The following METTL25 variants were observed in gnomAD, a reference collection of about 807,000 sequenced individuals.
METTL25 encodes the protein methyltransferase like 25, also known as probable methyltransferase-like protein 25.
In METTL25, 64 loss-of-function variants were observed where a neutral mutation model predicts 71.6. The observed-to-expected ratio is 0.89, with a 90% confidence interval of 0.73 to 1.10. The LOEUF (loss-of-function observed/expected upper bound fraction) is 1.10. Among genes scored for constraint, METTL25 ranks in the 50% least tolerant of loss-of-function variants. The pLI is 0.00. For synonymous variants in METTL25, 287 were observed against 250.3 expected (o/e 1.15, Z -1.38); for missense variants, 807 against 707.0 (o/e 1.14, Z -1.60).
In METTL25 at chr12:82,451,613, G is replaced by A. The variant is rs1053010675; in HGVS notation, c.1479-5114G>A. On this transcript the variant is annotated intron_variant, in intron 8 of 11. Coordinates refer to ENST00000248306, the MANE Select transcript of METTL25 (RefSeq NM_032230.3). ...CTTGTTCATACAATCTTTCTTCTCC[G>A]AACTGTGTATAGACAATTAAACACT... is the stretch of plus-strand genomic sequence containing the variant. 6.6e-5 allele frequency among the ~76,000 whole-genome samples: 10 copies of A among 152,008 alleles called. No homozygotes were observed. In the South Asian group the frequency reaches 8.3e-4, roughly 13 times the overall value.
At chr12:82,437,544 A>T (rs548185214) in intron 7 of METTL25, among the ~76,000 whole-genome samples, 1 of 151,682 alleles carries the variant, frequency 6.6e-6, no homozygotes, top group African/African-American at 2.4e-5. Context: ...TTAATGTTAA[A>T]TAAGGGAGAG....
At chr12:82,415,992 C>T (rs7299616) in intron 5 of METTL25, among the ~76,000 whole-genome samples, 139,978 of 152,174 alleles carry the variant, frequency 0.92, 64,754 homozygotes, top group East Asian at 1. Context: ...CAACTCTCTC[C>T]GTTTGTATTT....
At chr12:82,394,451 C>A (rs535037945) in intron 3 of METTL25, among the ~76,000 whole-genome samples, 1 of 151,966 alleles carries the variant, frequency 6.6e-6, no homozygotes, top group Non-Finnish European at 1.5e-5. Context: ...TCCCTACATG[C>A]CGAACACCTT....
intron 1 of METTL25, among the ~76,000 whole-genome samples, chr12:82,366,809 A>G (rs1882627438): frequency 6.6e-6 from 1 of 152,272 alleles, no homozygotes; most frequent in South Asian, 2.1e-4. Context: ...CACTTTCCTT[A>G]TATATTTTTC....
At chr12:82,460,346 G>A (rs1351676675) in intron 9 of METTL25, among the ~76,000 whole-genome samples, 1 of 152,190 alleles carries the variant, frequency 6.6e-6, no homozygotes, top group Non-Finnish European at 1.5e-5. Context: ...AGGAGATAGA[G>A]CAAAACTCCC....
intron 3 of METTL25, among the ~76,000 whole-genome samples, chr12:82,390,124 G>A (rs1188758021): frequency 6.6e-6 from 1 of 152,028 alleles, no homozygotes; most frequent in African/African-American, 2.4e-5. Flanking sequence ...AAAATTTATA[G>A]TAAAATCAAG....
At chr12:82,419,480 T>G (rs368797462) in intron 5 of METTL25, among the ~76,000 whole-genome samples, 2 of 152,144 alleles carry the variant, frequency 1.3e-5, no homozygotes, top group East Asian at 3.9e-4. Flanking sequence ...TGAAGTATCT[T>G]GTCCATAAGG....
At chr12:82,430,054 T>A (rs1889361242) in intron 5 of METTL25, among the ~76,000 whole-genome samples, 1 of 150,876 alleles carries the variant, frequency 6.6e-6, no homozygotes, top group African/African-American at 2.4e-5. Context: ...CACCTTTTTG[T>A]TTTTATTTTA....
In METTL25 at chr12:82,399,218, C is replaced by T; in HGVS notation, c.955C>T (p.Pro319Ser). 6.2e-7 allele frequency: 1 copy of T among 1,613,132 alleles called. No individual in the cohort carries two copies. The highest frequency in any genetic ancestry group is 2.2e-5 in the East Asian group (1 of 44,782). The part of the protein sequence containing the change: ...ENSFSLINLL[P>S]INAVEPTSSQ... ...TTCCTTTTCTCTTATAAACCTTTTG[C>T]CTATTAATGCTGTAGAGCCTACTTC... Residue 319 changes from proline (P) to serine (S), a missense_variant, in exon 4 of 12, where the codon CCT (proline) becomes TCT (serine). Physicochemically the swap from Pro to Ser is moderately conservative, Grantham distance 74 (BLOSUM62 -1). Transcript: ENST00000248306.
At chr12:82,400,574 G>T (rs1033113053) in intron 4 of METTL25, among the ~76,000 whole-genome samples, 3 of 34,106 alleles carry the variant, frequency 8.8e-5, no homozygotes, top group Non-Finnish European at 1.1e-4. Flanking sequence ...CAATCTCAAT[G>T]ACTTTAGTTT....
At position 82,399,261 on chromosome 12, in the gene METTL25, A is replaced by G. The variant is rs756275185; in HGVS notation, c.998A>G (p.Asn333Ser). 100 of 1,613,800 alleles carry G rather than the reference A, an allele frequency of 6.2e-5. 1 individual carries two copies. The Middle Eastern group carries it at 5.1e-3, about 83-fold the overall frequency. The change falls in exon 4 of 12, where the codon AAC becomes AGC. Residue 333 changes from asparagine to serine, a missense_variant. By Grantham distance (46) the Asn-to-Ser change is conservative. Transcript: ENST00000248306. ...CCTACTTCTTCACAGCAAATACCCA[A>G]CAGAGAAACATCTGAAGCCAATAAA... Reference protein sequence around the residue: ...VEPTSSQQIPNRETSEANKER... With the variant: ...VEPTSSQQIPSRETSEANKER...
intron 5 of METTL25, among the ~76,000 whole-genome samples, chr12:82,411,396 T>C (rs926880182): frequency 1.3e-5 from 2 of 152,042 alleles, no homozygotes; most frequent in African/African-American, 4.8e-5. Context: ...CAGAACAATG[T>C]ATATGATAGG....
At chr12:82,437,119 A>G (rs1889978244) in intron 7 of METTL25, among the ~76,000 whole-genome samples, 1 of 151,746 alleles carries the variant, frequency 6.6e-6, no homozygotes, top group Non-Finnish European at 1.5e-5. Context: ...AGAGATTAAG[A>G]AATTCTAAAT....
intron 2 of METTL25, among the ~76,000 whole-genome samples, chr12:82,387,598 C>G (rs756107812): frequency 3.7e-4 from 56 of 151,602 alleles, no homozygotes; most frequent in Non-Finnish European, 7.2e-4. Context: ...TGAAAATTTC[C>G]AAACCTACAG....
At chr12:82,362,390 G>A (rs983597757) in intron 1 of METTL25, among the ~76,000 whole-genome samples, 1 of 152,174 alleles carries the variant, frequency 6.6e-6, no homozygotes, top group Non-Finnish European at 1.5e-5. Flanking sequence ...TTCCTCATCT[G>A]TAAAATGGGG....
chr12:82,420,846 A>C (rs1050903300), intron 5 of METTL25, among the ~76,000 whole-genome samples: 3 of 150,964 alleles, frequency 2.0e-5, no homozygotes, highest in African/African-American at 7.3e-5. Context: ...TGAACTGATG[A>C]GGTTTGATTT....
chr12:82,472,406 G>A (rs975428103), intron 9 of METTL25, among the ~76,000 whole-genome samples: 3 of 152,164 alleles, frequency 2.0e-5, no homozygotes, highest in African/African-American at 7.2e-5. Flanking sequence ...AGCCCATCCT[G>A]GCTAACACGG....
intron 1 of METTL25, among the ~76,000 whole-genome samples, chr12:82,375,588 C>G (rs1204773078): frequency 6.6e-6 from 1 of 152,168 alleles, no homozygotes; most frequent in Non-Finnish European, 1.5e-5. Flanking sequence ...AATCACTCAC[C>G]TACTACCTTA....
rs534195062 is a variant in METTL25 at position 82,419,985 on chromosome 12, TAAAG to T, written c.1280-10904_1280-10901del. ...TCATCTCCATTAATGAATAAATGGATAAAGAAACTGTGGTACACACATACAATGG... is the reference window on the plus strand; with the variant it reads ...TCATCTCCATTAATGAATAAATGGATAAACTGTGGTACACACATACAATGG... On this transcript the variant is annotated intron_variant, in intron 5 of 11. Transcript: ENST00000248306. Among the ~76,000 whole-genome samples the T allele has an allele frequency of 2.5e-4, 38 of 152,264 alleles. No homozygotes were observed. In the South Asian group the frequency reaches 2.7e-3, roughly 11 times the overall value.
Sources: gnomAD v4.1 joint callset for allele counts (sites outside exome capture counted in the v4.1 genomes callset) on GRCh38, gnomAD v4.1.1 for gene constraint, MANE v1.5 for transcripts, NCBI Gene and HGNC (gene_info 2026-07-23, HGNC 2026-07-21) for gene names.